Variants in ZBBX observed in about 807,000 individuals in gnomAD.
ZBBX encodes zinc finger B-box domain-containing protein 1.
ZBBX carries 101 observed loss-of-function variants against 108.5 expected under a neutral mutation model. That is an observed-to-expected ratio of 0.93 (90% CI 0.79 to 1.10). The LOEUF is 1.10. Among genes scored for constraint, ZBBX ranks in the 50% least tolerant of loss-of-function variants. ZBBX has a pLI of 0.00. For missense variants in ZBBX, 1,009 were observed against 941.4 expected (o/e 1.07, Z -0.94); for synonymous variants, 356 against 323.4 (o/e 1.10, Z -1.08).
the ZBBX span, among the ~76,000 whole-genome samples, chr3:167,233,939 GGT>G: frequency 6.6e-6 from 1 of 151,528 alleles, no homozygotes; most frequent in East Asian, 1.9e-4. Context: ...AAACTGTTAT[GGT>G]AGAATTCTTT....
intron 20 of ZBBX, 78 bp from the exon 21 acceptor site, chr3:167,242,721 C>T (rs1720896257): frequency 7.8e-7 from 1 of 1,278,626 alleles, no homozygotes; most frequent in Admixed American, 2.8e-5. Flanking sequence ...TGAATGTTTA[C>T]CCAGAGTAAA....
At chr3:167,214,028 T>G in the ZBBX span, among the ~76,000 whole-genome samples, 2 of 152,102 alleles carry the variant, frequency 1.3e-5, no homozygotes, top group Non-Finnish European at 2.9e-5. Context: ...CAAGAGATCT[T>G]GAAAGAAGCA....
At chr3:167,405,811 C>T (rs1748564962) in intron 1 of ZBBX, among the ~76,000 whole-genome samples, 2 of 152,182 alleles carry the variant, frequency 1.3e-5, no homozygotes, top group South Asian at 2.1e-4. Flanking sequence ...GTGGCTGACG[C>T]CTGTAATCCC....
At chr3:167,271,930 T>C (rs1726601069) in intron 20 of ZBBX, among the ~76,000 whole-genome samples, 1 of 152,212 alleles carries the variant, frequency 6.6e-6, no homozygotes, top group Non-Finnish European at 1.5e-5. Flanking sequence ...AGATTGGGAC[T>C]AACAGAGAAC....
the ZBBX span, among the ~76,000 whole-genome samples, chr3:167,188,584 AGAGT>A: frequency 6.6e-6 from 1 of 152,230 alleles, no homozygotes; most frequent in Non-Finnish European, 1.5e-5. Flanking sequence ...CATGTTACTG[AGAGT>A]GAGACACACA....
At chr3:167,294,652 A>C (rs911478999) in intron 18 of ZBBX, among the ~76,000 whole-genome samples, 16 of 152,350 alleles carry the variant, frequency 1.1e-4, no homozygotes, top group African/African-American at 3.8e-4. Context: ...CTTCATGACT[A>C]AAACACGAAA....
chr3:167,353,271 A>G (rs1377933363), intron 8 of ZBBX, among the ~76,000 whole-genome samples: 1 of 152,134 alleles, frequency 6.6e-6, no homozygotes, highest in Admixed American at 6.6e-5. Flanking sequence ...TAAAGAAAAT[A>G]TTGTAAGATA....
intron 11 of ZBBX, among the ~76,000 whole-genome samples, chr3:167,327,441 G>A (rs1417902856): frequency 6.6e-6 from 1 of 152,058 alleles, no homozygotes; most frequent in East Asian, 1.9e-4. Flanking sequence ...TCCCCCTAGT[G>A]CCCAATTCAG....
At chr3:167,193,794 A>G in the ZBBX span, among the ~76,000 whole-genome samples, 1 of 152,340 alleles carries the variant, frequency 6.6e-6, no homozygotes, top group African/African-American at 2.4e-5. Flanking sequence ...CTATTCAGCC[A>G]TTAAAATGAA....
chr3:167,309,547 T>C (rs184565703), intron 16 of ZBBX, among the ~76,000 whole-genome samples: 195 of 152,338 alleles, frequency 1.3e-3, no homozygotes, highest in Middle Eastern at 3.4e-3. Flanking sequence ...CCCAACACCA[T>C]GTGGAAGCCA....
At chr3:167,339,230 A>G (rs1341873688) in intron 9 of ZBBX, among the ~76,000 whole-genome samples, 2 of 152,106 alleles carry the variant, frequency 1.3e-5, no homozygotes, top group Admixed American at 6.6e-5. Flanking sequence ...TAAGAAAAAA[A>G]CCTGAAAAAT....
chr3:167,280,292 A>T (rs1728547372), intron 20 of ZBBX, among the ~76,000 whole-genome samples: 1 of 152,102 alleles, frequency 6.6e-6, no homozygotes, highest in African/African-American at 2.4e-5. Flanking sequence ...AAAAAAAAAA[A>T]AACTACCATC....
At chr3:167,315,266 A>G (rs1301384921) in intron 15 of ZBBX, among the ~76,000 whole-genome samples, 1 of 152,212 alleles carries the variant, frequency 6.6e-6, no homozygotes, top group East Asian at 1.9e-4. Flanking sequence ...AAAGTGAACC[A>G]TTATACTTCA....
At chr3:167,241,751 A>G (rs1263392839) in intron 21 of ZBBX, among the ~76,000 whole-genome samples, 3 of 152,216 alleles carry the variant, frequency 2.0e-5, no homozygotes, top group Non-Finnish European at 4.4e-5. Flanking sequence ...TGTAAAAACC[A>G]AGAACAACAA....
chr3:167,217,529 T>C, the ZBBX span, among the ~76,000 whole-genome samples: 1 of 152,074 alleles, frequency 6.6e-6, no homozygotes. Flanking sequence ...GTAAATTAGT[T>C]CAATCTTTGT....
chr3:167,258,456 T>A lies in ZBBX; in HGVS notation c.2255-15813A>T, dbSNP rs537628737. Among the ~76,000 whole-genome samples the A allele has an allele frequency of 1.4e-4, 21 of 152,260 alleles. No individual in the cohort carries two copies. In the East Asian group the frequency reaches 2.9e-3, roughly 21 times the overall value. The stretch of plus-strand genomic sequence containing the variant: ...CACCATTTGTTTAAAAGGGTGACAG[T>A]GATAGTTTGCCTTCGTCTTTACTGA... On this transcript the variant is annotated intron_variant, in intron 20 of 21. Transcript: ENST00000675490.
At chr3:167,242,823 T>C (rs1443000092) in intron 20 of ZBBX, among the ~76,000 whole-genome samples, 180 bp from the exon 21 acceptor site, 2 of 152,154 alleles carry the variant, frequency 1.3e-5, no homozygotes, top group African/African-American at 4.8e-5. Context: ...AGATTCCAAA[T>C]TGGGGCATGG....
At chr3:167,324,081 CTA>C (rs945931585) in intron 11 of ZBBX, among the ~76,000 whole-genome samples, 24 of 152,132 alleles carry the variant, frequency 1.6e-4, no homozygotes, top group Admixed American at 9.2e-4. Context: ...AAAATCATCT[CTA>C]TTAAGCAAAA....
chr3:167,366,906 CAT>C (rs1193484423), intron 5 of ZBBX: 1 of 455,844 alleles, frequency 2.2e-6, no homozygotes, highest in Non-Finnish European at 4.4e-6. Context: ...CAGCAAGACA[CAT>C]AATAAACTTT....
Sources: gnomAD v4.1 joint callset for allele counts (sites outside exome capture counted in the v4.1 genomes callset) on GRCh38, gnomAD v4.1.1 for gene constraint, MANE v1.5 for transcripts, NCBI Gene and HGNC (gene_info 2026-07-23, HGNC 2026-07-21) for gene names.